The following HS6ST3 variants were observed in gnomAD, a reference collection of about 807,000 sequenced individuals.
The protein encoded by HS6ST3 is heparan-sulfate 6-O-sulfotransferase 3.
Under a neutral mutation model 36.7 loss-of-function variants are expected in HS6ST3, and 12 were observed. That is an observed-to-expected ratio of 0.33 (90% confidence interval 0.21 to 0.53). HS6ST3 has a LOEUF of 0.53. Ranked by LOEUF, HS6ST3 falls within the 20% of genes least tolerant of loss-of-function variation. HS6ST3 has a pLI of 0.95. For missense variants in HS6ST3, 584 were observed against 640.9 expected (o/e 0.91, Z 0.96); for synonymous variants, 240 against 257.5 (o/e 0.93, Z 0.65).
intron 1 of HS6ST3, among the ~76,000 whole-genome samples, chr13:96,744,548 C>A (rs1400847772): frequency 6.6e-6 from 1 of 150,636 alleles, no homozygotes; most frequent in Non-Finnish European, 1.5e-5. Flanking sequence ...TCACATAAAT[C>A]AAGTCTGGTA....
chr13:96,176,713 G>T (rs372789033), intron 1 of HS6ST3, among the ~76,000 whole-genome samples: 93 of 152,224 alleles, frequency 6.1e-4, no homozygotes, highest in African/African-American at 2.1e-3. Context: ...AATTTAAATT[G>T]CAGGGAAGCA....
At chr13:96,768,572 A>T (rs1483462820) in intron 1 of HS6ST3, among the ~76,000 whole-genome samples, 1 of 152,160 alleles carries the variant, frequency 6.6e-6, no homozygotes, top group Non-Finnish European at 1.5e-5. Context: ...GAGTGTGATT[A>T]AACTTAGAAT....
chr13:96,171,286 C>T (rs1026195917), intron 1 of HS6ST3, among the ~76,000 whole-genome samples: 2 of 152,162 alleles, frequency 1.3e-5, no homozygotes, highest in Admixed American at 6.5e-5. Flanking sequence ...CTTCCTCGAC[C>T]CTTTCTCACC....
intron 1 of HS6ST3, among the ~76,000 whole-genome samples, chr13:96,420,034 C>G (rs895334800): frequency 6.6e-6 from 1 of 152,122 alleles, no homozygotes; most frequent in South Asian, 2.1e-4. Context: ...CATAAAAATC[C>G]TGTATATAAG....
intron 1 of HS6ST3, among the ~76,000 whole-genome samples, chr13:96,433,577 T>G (rs927578929): frequency 1.3e-5 from 2 of 152,212 alleles, no homozygotes; most frequent in African/African-American, 2.4e-5. Context: ...GTGCCTTTGC[T>G]TCTCCTTCAC....
intron 1 of HS6ST3, among the ~76,000 whole-genome samples, chr13:96,176,009 A>C (rs1375183063): frequency 6.6e-6 from 1 of 151,914 alleles, no homozygotes; most frequent in African/African-American, 2.4e-5. Flanking sequence ...TTGTATTTTT[A>C]GTAGAGACGG....
chr13:96,628,297 T>A (rs139695510), intron 1 of HS6ST3, among the ~76,000 whole-genome samples: 8,356 of 152,038 alleles, frequency 0.055, 335 homozygotes, highest in Non-Finnish European at 0.085. Context: ...GTTTTTTAAA[T>A]TCCAAATATA....
intron 1 of HS6ST3, among the ~76,000 whole-genome samples, chr13:96,259,547 TTCTTCAA>T (rs1446088484): frequency 6.6e-6 from 1 of 152,214 alleles, no homozygotes; most frequent in Non-Finnish European, 1.5e-5. Flanking sequence ...TCAGCAGCAA[TTCTTCAA>T]TATTTGAAGA....
intron 1 of HS6ST3, among the ~76,000 whole-genome samples, chr13:96,646,191 G>A (rs993893001): frequency 6.6e-6 from 1 of 152,026 alleles, no homozygotes; most frequent in African/African-American, 2.4e-5. Context: ...GCGGTGACAA[G>A]AGTCTCCAAT....
chr13:96,549,613 T>C (rs896458311), intron 1 of HS6ST3, among the ~76,000 whole-genome samples: 1 of 152,194 alleles, frequency 6.6e-6, no homozygotes, highest in Non-Finnish European at 1.5e-5. Context: ...TTGTAAAATA[T>C]AAACTTTAGC....
intron 1 of HS6ST3, among the ~76,000 whole-genome samples, chr13:96,800,119 G>T (rs1321532212): frequency 6.7e-6 from 1 of 149,222 alleles, no homozygotes; most frequent in Non-Finnish European, 1.5e-5. Flanking sequence ...TATTATTATT[G>T]TTGTTGTTCT....
chr13:96,136,916 A>G, intron 1 of HS6ST3, among the ~76,000 whole-genome samples: 1 of 151,896 alleles, frequency 6.6e-6, no homozygotes, highest in East Asian at 1.9e-4. Flanking sequence ...TATCCTGTAG[A>G]CTTTGTGGTG....
intron 1 of HS6ST3, among the ~76,000 whole-genome samples, chr13:96,518,538 G>A (rs1247911678): frequency 1.3e-5 from 2 of 152,054 alleles, no homozygotes; most frequent in Non-Finnish European, 2.9e-5. Context: ...AAGAAATTCT[G>A]TAAACATTCT....
chr13:96,721,158 A>G (rs974964849), intron 1 of HS6ST3, among the ~76,000 whole-genome samples: 1 of 152,214 alleles, frequency 6.6e-6, no homozygotes, highest in Non-Finnish European at 1.5e-5. Context: ...GTTATTGAAG[A>G]GCAAGGTGTT....
intron 1 of HS6ST3, among the ~76,000 whole-genome samples, chr13:96,566,690 C>T (rs1043599801): frequency 7.2e-5 from 11 of 152,098 alleles, no homozygotes; most frequent in African/African-American, 2.7e-4. Flanking sequence ...TAGTACTTAG[C>T]TGTGGTGTAA....
chr13:96,403,015 C>T (rs1172828621), intron 1 of HS6ST3, among the ~76,000 whole-genome samples: 2 of 152,122 alleles, frequency 1.3e-5, no homozygotes, highest in Admixed American at 1.3e-4. Flanking sequence ...ATATTCTCAC[C>T]AGTAATGTAT....
rs1878841880 is a variant in HS6ST3 at position 96,833,019 on chromosome 13, G to A, written c.1237G>A (p.Asp413Asn). ...CATGCAGCTTTACGAGTATGCAAAA[G>A]ATCTCTTCCAGCAGCGCTACCACCA... ...LDMQLYEYAK[D>N]LFQQRYHHTK... Residue 413 changes from aspartate (D) to asparagine (N), a missense_variant, in exon 2 of 2, where the codon GAT becomes AAT. By Grantham distance (23) the Asp-to-Asn change is conservative. This residue lies in a region of HS6ST3 where 360 missense variants were observed against 411.3 expected (regional missense o/e 0.88). Coordinates refer to ENST00000376705, the MANE Select transcript of HS6ST3 (RefSeq NM_153456.4). 4 of 1,613,978 alleles carry A rather than the reference G, an allele frequency of 2.5e-6. No homozygotes were observed. In the South Asian group the frequency reaches 3.3e-5, roughly 13 times the overall value.
intron 1 of HS6ST3, among the ~76,000 whole-genome samples, chr13:96,745,964 T>A (rs1192786680): frequency 6.6e-6 from 1 of 151,964 alleles, no homozygotes; most frequent in East Asian, 1.9e-4. Flanking sequence ...ATAGTAGCAG[T>A]TTCTGATTGG....
chr13:96,546,040 G>A (rs2056196444), intron 1 of HS6ST3, among the ~76,000 whole-genome samples: 1 of 152,088 alleles, frequency 6.6e-6, no homozygotes, highest in Admixed American at 6.6e-5. Context: ...AAGTAGAAAT[G>A]GAATGGCCTT....
Sources: allele counts gnomAD v4.1 joint callset (sites outside exome capture counted in the v4.1 genomes callset), GRCh38; gene constraint gnomAD v4.1.1; regional missense constraint gnomAD v4.1.1; transcripts MANE v1.5; gene names NCBI Gene and HGNC (gene_info 2026-07-23, HGNC 2026-07-21).